HLCS: variants seen among roughly 807,000 people sequenced by gnomAD.
The protein encoded by HLCS is holocarboxylase synthetase.
Under a neutral mutation model 75.0 loss-of-function variants are expected in HLCS, and 53 were observed. That is an observed-to-expected ratio of 0.71 (90% confidence interval 0.57 to 0.89). HLCS has a LOEUF of 0.89. Ranked by LOEUF, HLCS falls within the 40% of genes least tolerant of loss-of-function variation. HLCS has a pLI of 0.00. For missense variants in HLCS, 966 were observed against 1,074.0 expected, an observed-to-expected ratio of 0.90 and a Z score of 1.41; for synonymous variants, 431 against 428.6, an observed-to-expected ratio of 1.01 and a Z score of -0.07.
At chr21:36,796,780 CA>C (rs752816412) in intron 6 of HLCS, among the ~76,000 whole-genome samples, 6 of 152,130 alleles carry the variant, frequency 3.9e-5, no homozygotes, top group Non-Finnish European at 7.3e-5. Flanking sequence ...AATAAAAATT[CA>C]GGAGAGACAA....
chr21:36,880,995 T>C (rs1363570012), intron 6 of HLCS, among the ~76,000 whole-genome samples: 4 of 150,748 alleles, frequency 2.7e-5, no homozygotes, highest in Non-Finnish European at 4.4e-5. Context: ...TGTTTTGAGA[T>C]AGAGTCTCAC....
rs8133818 is a variant in HLCS, at chr21:36,754,463, C to T, written c.2451-46G>A. The T allele has an allele frequency of 1.3e-3, 1,991 of 1,576,856 alleles. 22 individuals carry two copies. In the African/African-American group the frequency reaches 0.02, roughly 16 times the overall value. On this transcript the variant is annotated intron_variant, in intron 10 of 10. Coordinates refer to ENST00000674895, the MANE Select transcript of HLCS (RefSeq NM_001352514.2). Reference sequence around the variant, plus strand: ...GCGGTCACTGGGAGGTGTCACAGGACGACTTAAGACAATGAGCTGAAGAAT... The same window carrying T: ...GCGGTCACTGGGAGGTGTCACAGGATGACTTAAGACAATGAGCTGAAGAAT...
At chr21:36,893,608 G>A (rs1449649159) in intron 6 of HLCS, among the ~76,000 whole-genome samples, 2 of 152,080 alleles carry the variant, frequency 1.3e-5, no homozygotes, top group East Asian at 1.9e-4. Context: ...CTCAGATCAC[G>A]AGGCATTAGT....
intron 6 of HLCS, among the ~76,000 whole-genome samples, chr21:36,891,859 A>T (rs2064800401): frequency 6.6e-6 from 1 of 152,190 alleles, no homozygotes; most frequent in Non-Finnish European, 1.5e-5. Context: ...AGCAGGAGAT[A>T]AGACAGATGC....
intron 6 of HLCS, among the ~76,000 whole-genome samples, chr21:36,770,654 T>C (rs543806918): frequency 2.6e-5 from 4 of 152,072 alleles, no homozygotes; most frequent in Non-Finnish European, 5.9e-5. Flanking sequence ...CACTATAGCC[T>C]GGACCTCCAG....
At chr21:36,768,893 C>T (rs1442786525) in intron 6 of HLCS, among the ~76,000 whole-genome samples, 1 of 152,172 alleles carries the variant, frequency 6.6e-6, no homozygotes, top group Non-Finnish European at 1.5e-5. Context: ...TCAGGCACCT[C>T]TGTTTTCTAG....
At chr21:36,890,317 G>A (rs1601643045) in intron 6 of HLCS, among the ~76,000 whole-genome samples, 3 of 152,304 alleles carry the variant, frequency 2.0e-5, no homozygotes, top group Admixed American at 2.0e-4. Context: ...TCATGGTCGG[G>A]AAGACATGTC....
intron 6 of HLCS, among the ~76,000 whole-genome samples, chr21:36,885,168 A>G (rs1041675963): frequency 1.3e-5 from 2 of 152,196 alleles, no homozygotes; most frequent in African/African-American, 4.8e-5. Context: ...TTCTAGTATG[A>G]GAAAAAAACT....
intron 2 of HLCS, among the ~76,000 whole-genome samples, chr21:36,946,956 C>A (rs182396649): frequency 3.3e-4 from 50 of 152,226 alleles, no homozygotes; most frequent in African/African-American, 9.6e-4. Flanking sequence ...GACGTCAGTT[C>A]AGGAAGATGA....
At chr21:36,845,735 G>C (rs1362255926) in intron 6 of HLCS, among the ~76,000 whole-genome samples, 1 of 152,156 alleles carries the variant, frequency 6.6e-6, no homozygotes, top group African/African-American at 2.4e-5. Context: ...AGCTGCACGT[G>C]TAATCGTTAC....
chr21:36,754,628 A>G (rs961960681), intron 10 of HLCS, among the ~76,000 whole-genome samples: 2 of 152,164 alleles, frequency 1.3e-5, no homozygotes, highest in African/African-American at 4.8e-5. Context: ...GCAGGATGCA[A>G]GTTCAACAAG....
chr21:36,972,933 G>C (rs1268036114), intron 1 of HLCS, among the ~76,000 whole-genome samples: 2 of 152,132 alleles, frequency 1.3e-5, no homozygotes, highest in Non-Finnish European at 2.9e-5. Flanking sequence ...AAAGGACTTG[G>C]GGGCAGACAC....
chr21:36,893,364 G>A (rs972306407), intron 6 of HLCS, among the ~76,000 whole-genome samples: 13 of 152,224 alleles, frequency 8.5e-5, no homozygotes, highest in East Asian at 1.9e-4. Flanking sequence ...GAGCCACCGC[G>A]CCTGGCCATA....
At chr21:36,909,938 A>G (rs1008221733) in intron 5 of HLCS, among the ~76,000 whole-genome samples, 1 of 152,222 alleles carries the variant, frequency 6.6e-6, no homozygotes, top group Non-Finnish European at 1.5e-5. Context: ...CATTTGCCTC[A>G]TTGCAAATAA....
At chr21:36,913,774 A>T (rs2065818437) in intron 5 of HLCS, among the ~76,000 whole-genome samples, 3 of 152,026 alleles carry the variant, frequency 2.0e-5, no homozygotes, top group Admixed American at 6.6e-5. Flanking sequence ...AAAAAAAGAA[A>T]CTTGAATGTG....
chr21:36,883,500 A>C (rs927051494), intron 6 of HLCS, among the ~76,000 whole-genome samples: 6 of 152,220 alleles, frequency 3.9e-5, no homozygotes, highest in African/African-American at 1.4e-4. Flanking sequence ...ATGAACACTA[A>C]CGTCTAAGAA....
At position 36,783,418 on chromosome 21, in the gene HLCS, C is replaced by A. The variant is rs141460469; in HGVS notation, c.1893-16133G>T. On this transcript the variant is annotated intron_variant, in intron 6 of 10. Coordinates refer to ENST00000674895, the MANE Select transcript of HLCS (RefSeq NM_001352514.2). ...TTTTAAAAAATTTCCAGAGCTACAA[C>A]ATCAAAGAGGCAGTAATTCTCTTCT... Among the ~76,000 whole-genome samples the A allele has an allele frequency of 9.8e-5, 15 of 152,314 alleles. No homozygotes were observed. The East Asian group carries it at 2.9e-3, about 29-fold the overall frequency.
chr21:36,938,807 A>C lies in HLCS; in HGVS notation c.493+25T>G, dbSNP rs1408393018. ...GCATGAGCCACTATGCCTGGCCAAT[A>C]AAAACATTTTCTAAAGTTACTTACA... On this transcript the variant is annotated intron_variant, in intron 3 of 10. Coordinates refer to ENST00000674895, the MANE Select transcript of HLCS (RefSeq NM_001352514.2). 6 of 1,612,730 alleles carry C rather than the reference A, an allele frequency of 3.7e-6. No individual in the cohort carries two copies. The Admixed American group carries it at 1.0e-4, about 27-fold the overall frequency.
rs182940677 is a variant in HLCS at position 36,770,424 on chromosome 21, G to T, written c.1893-3139C>A. Among the ~76,000 whole-genome samples the T allele has an allele frequency of 2.4e-4, 37 of 152,160 alleles. 1 individual carries two copies. Among genetic ancestry groups the T allele is most frequent in the Admixed American group, 2.4e-3 (36 of 15,284 alleles). On this transcript the variant is annotated intron_variant, in intron 6 of 10. Coordinates refer to ENST00000674895, the MANE Select transcript of HLCS (RefSeq NM_001352514.2). ...AGCCTCCCAAAGTGCTGGGATTACA[G>T]GTGTAAGCCACCACGCCTGGCCAAA... is the stretch of plus-strand genomic sequence containing the variant.
Sources: allele counts gnomAD v4.1 joint callset (sites outside exome capture counted in the v4.1 genomes callset), GRCh38; gene constraint gnomAD v4.1.1; transcripts MANE v1.5; gene names NCBI Gene and HGNC (gene_info 2026-07-23, HGNC 2026-07-21).